SYDE2: variants seen among roughly 807,000 people sequenced by gnomAD.
The protein encoded by SYDE2 is synapse defective Rho GTPase homolog 2.
A neutral mutation model predicts 91.5 loss-of-function variants in SYDE2; 76 were observed. The observed-to-expected ratio is 0.83, with a 90% CI of 0.69 to 1.01. The LOEUF is 1.01. SYDE2 is among the 50% of genes least tolerant of loss of function. SYDE2 has a pLI of 0.00. For synonymous variants in SYDE2, 513 were observed against 506.4 expected (o/e 1.01, Z -0.18); for missense variants, 1,364 against 1,367.7 (o/e 1.00, Z 0.04).
rs763798007 is a variant in SYDE2 at position 85,182,736 on chromosome 1, G to A, written c.1906C>T (p.His636Tyr). 4.3e-6 allele frequency: 7 copies of A among 1,613,704 alleles called. No individual in the cohort carries two copies. Among genetic ancestry groups the A allele is most frequent in the Non-Finnish European group, 5.9e-6 (7 of 1,179,854 alleles). The change falls in exon 3 of 7, where the codon CAT (histidine) becomes TAT (tyrosine). Residue 636 changes from histidine to tyrosine, a missense_variant. His to Tyr is a moderately conservative substitution (Grantham distance 83). Transcript: ENST00000341460. ...SPELTTKASK[H>Y]GSENKFGKGK... Reference sequence around the variant, plus strand: ...TTTCCAAATTTGTTTTCAGATCCATGTTTGCTAGCTTTAGTTGTAAGTTCA... The same window carrying A: ...TTTCCAAATTTGTTTTCAGATCCATATTTGCTAGCTTTAGTTGTAAGTTCA...
At position 85,159,041 on chromosome 1, in the gene SYDE2, G is replaced by A. The variant is rs1430314062; in HGVS notation, c.3294C>T (p.Asn1098=). ...AATTTTCTTTTGTATTTAAAAAGTA[G>A]TTTTCCCCACAGCTGCTCCAGTCTC... ...YAGDWSSCGE[N]YFLNTKENLN... Residue 1098 remains asparagine, a synonymous_variant, in exon 7 of 7, where the codon AAC becomes AAT. Coordinates refer to ENST00000341460, the MANE Select transcript of SYDE2 (RefSeq NM_032184.2). The A allele has an allele frequency of 1.3e-6, 1 of 780,808 alleles. No individual in the cohort carries two copies. Among genetic ancestry groups the A allele is most frequent in the Non-Finnish European group, 2.4e-6 (1 of 417,972 alleles). The allele number at this position is 780,808 out of a possible 1,614,324, so 48.4% of individuals were successfully genotyped here. A position where few individuals can be genotyped will look rare whatever the true frequency, so the allele number is the denominator to read the frequency against.
chr1:85,165,305 T>TA (rs1483885971), intron 5 of SYDE2, among the ~76,000 whole-genome samples: 2 of 152,176 alleles, frequency 1.3e-5, no homozygotes, highest in African/African-American at 2.4e-5. Flanking sequence ...ATAAAATACT[T>TA]ATGAATGCAT....
At chr1:85,166,038 A>G (rs1251632543) in intron 5 of SYDE2, among the ~76,000 whole-genome samples, 1 of 151,590 alleles carries the variant, frequency 6.6e-6, no homozygotes, top group East Asian at 1.9e-4. Flanking sequence ...CATACCCACT[A>G]ATTTTTAAAA....
Position 85,200,363 on chromosome 1 carries a change from T to A in SYDE2, c.634A>T (p.Thr212Ser), listed in dbSNP as rs747724631. ...SLGMKGRARG[T>S]APKVTGTQAA... ...TGCGTTCCTGTGACTTTGGGAGCCG[T>A]CCCACGGGCACGACCCTTCATTCCC... The change falls in exon 1 of 7, where the codon ACG becomes TCG. Residue 212 changes from threonine to serine, a missense_variant. By Grantham distance (58) the Thr-to-Ser change is moderately conservative. Transcript: ENST00000341460. The A allele has an allele frequency of 7.4e-6, 12 of 1,613,856 alleles. No homozygotes were observed. Among genetic ancestry groups the A allele is most frequent in the Middle Eastern group, 1.6e-4 (1 of 6,084 alleles).
intron 3 of SYDE2, among the ~76,000 whole-genome samples, chr1:85,178,874 A>T (rs1657809083): frequency 6.6e-6 from 1 of 152,012 alleles, no homozygotes; most frequent in Non-Finnish European, 1.5e-5. Context: ...AGGAAATTTA[A>T]AATAATATAT....
At chr1:85,155,009 C>CAAAAAAAAAAAAAAAAAAAAAAAAAAA, downstream of SYDE2, among the ~76,000 whole-genome samples, 8 of 80,658 alleles carry the variant, frequency 9.9e-5, no homozygotes, top group Non-Finnish European at 1.6e-4. Flanking sequence ...AAGAATGCAG[C>CAAAAAAAAAAAAAAAAAAAAAAAAAAA]AAAAAAAAAA....
chr1:85,182,975 T>C lies in SYDE2; in HGVS notation c.1667A>G (p.Asp556Gly), dbSNP rs1184737547. The change falls in exon 3 of 7, where the codon GAT (aspartate) becomes GGT (glycine). Residue 556 changes from aspartate to glycine, a missense_variant. Asp to Gly is a moderately conservative substitution (Grantham distance 94). Coordinates refer to ENST00000341460, the MANE Select transcript of SYDE2 (RefSeq NM_032184.2). ...ATATTTAGACAAAGAAGGAGTATTA[T>C]CTGGACTGTTTATATAATTCAATGT... is the stretch of plus-strand genomic sequence containing the variant. ...KGTLNYINSP[D>G]NTPSLSKYNC... 6.2e-7 allele frequency: 1 copy of C among 1,613,814 alleles called. No homozygotes were observed. The highest frequency in any genetic ancestry group is 8.5e-7 in the Non-Finnish European group (1 of 1,179,784).
downstream of SYDE2, chr1:85,154,087 G>A (rs1302224453): frequency 1.3e-5 from 2 of 151,978 alleles, no homozygotes; most frequent in Non-Finnish European, 2.9e-5. Context: ...AAATTGGTCA[G>A]GAAAAACAGC....
At position 85,190,700 on chromosome 1, in the gene SYDE2, C is replaced by T; in HGVS notation, c.798G>A (p.Glu266=). Residue 266 remains glutamate (E), a synonymous_variant, in exon 2 of 7, where the codon GAG becomes GAA. Coordinates refer to ENST00000341460, the MANE Select transcript of SYDE2 (RefSeq NM_032184.2). ...GSSMKGRELE[E]LKDNIEFRGH... ...CTCTGAATTCAATATTATCCTTCAG[C>T]TCTTCAAGTTCTCTTCCCTTCATTG... is the stretch of plus-strand genomic sequence containing the variant. 6.2e-7 allele frequency: 1 copy of T among 1,613,466 alleles called. No individual in the cohort carries two copies. Among genetic ancestry groups the T allele is most frequent in the Non-Finnish European group, 8.5e-7 (1 of 1,179,760 alleles).
chr1:85,160,220 C>G, intron 6 of SYDE2: 2 of 975,320 alleles, frequency 2.1e-6, no homozygotes, highest in Non-Finnish European at 2.4e-6. Context: ...CAACTTTATA[C>G]TCTCCAATAT....
At chr1:85,197,673 G>A (rs192059379) in intron 1 of SYDE2, among the ~76,000 whole-genome samples, 2 of 151,642 alleles carry the variant, frequency 1.3e-5, no homozygotes, top group Admixed American at 1.3e-4. Context: ...TTATTTTTTT[G>A]AGACGGAGTC....
chr1:85,169,441 C>T (rs186741901), intron 4 of SYDE2, among the ~76,000 whole-genome samples: 1 of 152,276 alleles, frequency 6.6e-6, no homozygotes, highest in East Asian at 1.9e-4. Context: ...TAAAAATGTA[C>T]ACATAATTTT....
At chr1:85,186,191 G>A (rs1204591999) in intron 2 of SYDE2, among the ~76,000 whole-genome samples, 5 of 152,004 alleles carry the variant, frequency 3.3e-5, no homozygotes, top group Admixed American at 6.6e-5. Flanking sequence ...TGCTGGATTC[G>A]GTTTGCCAGT....
chr1:85,172,786 C>T lies in SYDE2; in HGVS notation c.2672-3561G>A, dbSNP rs139254236. On this transcript the variant is annotated intron_variant, in intron 4 of 6. Transcript: ENST00000341460. ...AGGAGGCTAAAGCTGCTAGACCTTG[C>T]AGGACAGAGCACTTGAGAGTAAAGG... Among the ~76,000 whole-genome samples, 604 of 152,258 alleles carry T rather than the reference C, an allele frequency of 4.0e-3. 1 individual carries two copies. Among genetic ancestry groups the T allele is most frequent in the Middle Eastern group, 0.014 (4 of 294 alleles).
In SYDE2 at chr1:85,174,418, T is replaced by A. The variant is rs1259899445; in HGVS notation, c.2671+3728A>T. Among the ~76,000 whole-genome samples, 1,219 of 152,280 alleles carry A rather than the reference T, an allele frequency of 8.0e-3. 11 individuals carry two copies. The highest frequency in any genetic ancestry group is 0.028 in the African/African-American group (1,158 of 41,540). On this transcript the variant is annotated intron_variant, in intron 4 of 6. Coordinates refer to ENST00000341460, the MANE Select transcript of SYDE2 (RefSeq NM_032184.2). ...ATGGAACATTTACCACAAAAGACCA[T>A]ATTCTGGGCTTCAAAATAAGCCTAA...
intron 1 of SYDE2, among the ~76,000 whole-genome samples, chr1:85,195,819 T>C (rs1658565478): frequency 6.6e-6 from 1 of 152,182 alleles, no homozygotes; most frequent in African/African-American, 2.4e-5. Context: ...AAAGCAGTAT[T>C]CTCACAAAGC....
chr1:85,178,330 C>T, intron 3 of SYDE2, 58 bp from the exon 4 acceptor site: 1 of 1,431,084 alleles, frequency 7.0e-7, no homozygotes, highest in South Asian at 1.3e-5. Context: ...AATATAATTG[C>T]ATTATAGATC....
downstream of SYDE2, chr1:85,153,815 A>G (rs1392805524): frequency 1.3e-5 from 2 of 152,010 alleles, no homozygotes; most frequent in Non-Finnish European, 2.9e-5. Flanking sequence ...AAAAAAATTT[A>G]AAAAGAGGTA....
At position 85,190,617 on chromosome 1, in the gene SYDE2, C is replaced by T; in HGVS notation, c.881G>A (p.Ser294Asn). The T allele has an allele frequency of 6.2e-7, 1 of 1,613,934 alleles. No homozygotes were observed. The highest frequency in any genetic ancestry group is 8.5e-7 in the Non-Finnish European group (1 of 1,179,870). Residue 294 changes from serine (S) to asparagine (N), a missense_variant, in exon 2 of 7, where the codon AGT becomes AAT. By Grantham distance (46) the Ser-to-Asn change is conservative. Coordinates refer to ENST00000341460, the MANE Select transcript of SYDE2 (RefSeq NM_032184.2). ...VSKKRNWLYQ[S>N]TLRPLNLEEE... ...TTCCAGATTAAGAGGCCTCAGAGTACTCTGATATAGCCAATTGCGTTTCTT... is the reference window on the plus strand; with the variant it reads ...TTCCAGATTAAGAGGCCTCAGAGTATTCTGATATAGCCAATTGCGTTTCTT...
Sources: allele counts gnomAD v4.1 joint callset (sites outside exome capture counted in the v4.1 genomes callset), GRCh38; gene constraint gnomAD v4.1.1; transcripts MANE v1.5; gene names NCBI Gene and HGNC (gene_info 2026-07-23, HGNC 2026-07-21).